Variants in SLC9A3 observed in about 807,000 individuals in gnomAD.
SLC9A3 encodes the protein sodium/hydrogen exchanger 3.
Under a neutral mutation model 86.8 loss-of-function variants are expected in SLC9A3, and 37 were observed. The ratio of observed to expected loss-of-function variants is 0.43; its 90% CI spans 0.33 to 0.56. SLC9A3 has a LOEUF of 0.56. Ranked by LOEUF, SLC9A3 falls within the 20% of genes least tolerant of loss-of-function variation. SLC9A3 has a pLI of 0.06. For synonymous variants in SLC9A3, 581 were observed against 528.3 expected, an observed-to-expected ratio of 1.10 and a Z score of -1.37; for missense variants, 1,011 against 1,171.9, an observed-to-expected ratio of 0.86 and a Z score of 2.00.
At chr5:473,925 G>A (rs1469818036) in intron 16 of SLC9A3, among the ~76,000 whole-genome samples, 2 of 152,226 alleles carry the variant, frequency 1.3e-5, no homozygotes, top group African/African-American at 2.4e-5. Context: ...GGGAGCGCAG[G>A]ATTTGGACTC....
At chr5:475,720 C>T (rs915393449) in intron 14 of SLC9A3, 49 bp from the exon 15 acceptor site, 22 of 1,034,426 alleles carry the variant, frequency 2.1e-5, no homozygotes, top group African/African-American at 3.2e-5. Flanking sequence ...GGGGGCTGTC[C>T]TCACAGCCCA....
At chr5:478,935 CCA>C (rs3836908) in intron 10 of SLC9A3, 41,097 of 154,420 alleles carry the variant, frequency 0.27, 6,623 homozygotes, top group Non-Finnish European at 0.35. Flanking sequence ...TGGCATGGCC[CCA>C]GTCACGGGTG....
Position 470,959 on chromosome 5 carries a change from G to C in SLC9A3, c.*2420C>G, listed in dbSNP as rs531405008. ...TCTGTTTGACAGCAGTGACAGGAACGTGGGGATCCCCACTCATGACGAGTC... is the reference window on the plus strand; with the variant it reads ...TCTGTTTGACAGCAGTGACAGGAACCTGGGGATCCCCACTCATGACGAGTC... On this transcript the variant is annotated 3_prime_UTR_variant, in exon 17 of 17. Transcript: ENST00000264938. The C allele has an allele frequency of 6.6e-6, 1 of 152,294 alleles. No individual in the cohort carries two copies. Among genetic ancestry groups the C allele is most frequent in the Non-Finnish European group, 1.5e-5 (1 of 68,036 alleles). 9.4% of individuals were successfully genotyped at this position (152,294 alleles called of 1,614,324 possible).
rs553469929 is a variant in SLC9A3, at chr5:491,196, G to A, written c.514+573C>T. Among the ~76,000 whole-genome samples, 6 of 152,314 alleles carry A rather than the reference G, an allele frequency of 3.9e-5. No individual in the cohort carries two copies. In the South Asian group the frequency reaches 1.2e-3, roughly 32 times the overall value. ...TCCCTGGACCCACCTGGTCAAAGCT[G>A]TAGCATCCCCGGCAGCAGCGGCGGG... On this transcript the variant is annotated intron_variant, in intron 2 of 16. Coordinates refer to ENST00000264938, the MANE Select transcript of SLC9A3 (RefSeq NM_004174.4). The surrounding 1 kb of genome is among the most constrained non-coding windows in gnomAD (Gnocchi z 9.2).
intron 10 of SLC9A3, chr5:477,673 A>G: frequency 2.0e-6 from 1 of 510,720 alleles, no homozygotes; most frequent in Non-Finnish European, 3.5e-6. Flanking sequence ...TGCTGCCTGA[A>G]CTGGGCAGAG....
intron 1 of SLC9A3, among the ~76,000 whole-genome samples, chr5:501,272 C>T (rs1423540821): frequency 6.6e-6 from 1 of 152,178 alleles, no homozygotes; most frequent in Admixed American, 6.5e-5. Flanking sequence ...AGGGACGGGG[C>T]TTGGTCAGGC....
intron 10 of SLC9A3, chr5:479,186 C>G (rs1291992534): frequency 6.6e-6 from 1 of 152,642 alleles, no homozygotes; most frequent in Non-Finnish European, 1.5e-5. Context: ...CCCCCAGGCC[C>G]TGCCTTGCAC....
At chr5:517,806 ATCC>A (rs1425181624) in intron 1 of SLC9A3, among the ~76,000 whole-genome samples, 2 of 111,314 alleles carry the variant, frequency 1.8e-5, no homozygotes, top group African/African-American at 6.2e-5. Flanking sequence ...CCATCCATCC[ATCC>A]AAACCATCCA....
intron 14 of SLC9A3, 38 bp downstream of exon 14, chr5:475,982 C>T (rs1738700891): frequency 1.9e-6 from 3 of 1,546,368 alleles, no homozygotes; most frequent in South Asian, 2.4e-5. Context: ...GAGGTGGTGG[C>T]TCCCAGTCCC....
At position 482,740 on chromosome 5, in the gene SLC9A3, C is replaced by T. The variant is rs745465988; in HGVS notation, c.1164G>A (p.Leu388=). Residue 388 remains leucine, a synonymous_variant, in exon 7 of 17, where the codon CTG becomes CTA. Coordinates refer to ENST00000264938, the MANE Select transcript of SLC9A3 (RefSeq NM_004174.4). ...GGTAGCGGTTCAGAAGCCAGGTCTG[C>T]AGGACCACACCTGCGGATGATGGGG... ...ISVYRAIGVV[L]QTWLLNRYRM... is the part of the protein sequence containing the mutation. The T allele has an allele frequency of 5.6e-6, 9 of 1,603,422 alleles. No individual in the cohort carries two copies. The Admixed American group carries it at 1.2e-4, about 21-fold the overall frequency.
intron 3 of SLC9A3, among the ~76,000 whole-genome samples, chr5:485,581 C>T (rs563007754): frequency 6.6e-6 from 1 of 152,402 alleles, no homozygotes; most frequent in East Asian, 1.9e-4. Flanking sequence ...GACTTCCCTG[C>T]TGTGCTGGCT....
At chr5:512,551 A>G (rs1011315947) in intron 1 of SLC9A3, among the ~76,000 whole-genome samples, 7 of 152,192 alleles carry the variant, frequency 4.6e-5, no homozygotes, top group Non-Finnish European at 7.4e-5. Context: ...TGACAAATGT[A>G]TCACACCAAT....
Position 507,183 on chromosome 5 carries a change from T to TTTTTTTTTTTTTTTTTTTTG in SLC9A3, c.212-15113_212-15112insCAAAAAAAAAAAAAAAAAAA, listed in dbSNP as rs1320617129. On this transcript the variant is annotated intron_variant, in intron 1 of 16. Coordinates refer to ENST00000264938, the MANE Select transcript of SLC9A3 (RefSeq NM_004174.4). ...TGCTGCTTCTTTTTTTTTTTTTTTT[T>TTTTTTTTTTTTTTTTTTTTG]TTTGAGACGGAGTCTGGCTCTGTTG... Among the ~76,000 whole-genome samples, 4 of 88,978 alleles carry TTTTTTTTTTTTTTTTTTTTG rather than the reference T, an allele frequency of 4.5e-5. 1 individual carries two copies. Among genetic ancestry groups the TTTTTTTTTTTTTTTTTTTTG allele is most frequent in the African/African-American group, 2.2e-4 (4 of 18,448 alleles). The allele number at this position is 88,978 out of a possible 152,430, so 58.4% of individuals were successfully genotyped here. A position where few individuals can be genotyped will look rare whatever the true frequency, so the allele number is the denominator to read the frequency against.
At chr5:501,429 T>C (rs13177896) in intron 1 of SLC9A3, among the ~76,000 whole-genome samples, 63,337 of 152,126 alleles carry the variant, frequency 0.42, 13,979 homozygotes, top group African/African-American at 0.54. Context: ...AGAAACAGCC[T>C]GGCTGAGCGG....
At chr5:484,487 G>A (rs774885067) in intron 5 of SLC9A3, 33 bp downstream of exon 5, 15 of 1,606,168 alleles carry the variant, frequency 9.3e-6, no homozygotes, top group East Asian at 6.7e-5. Flanking sequence ...GGAGGAGGGC[G>A]TGGAGAAGCT....
chr5:475,459 A>AC (rs1263271920), intron 15 of SLC9A3, 102 bp downstream of exon 15: 85 of 708,294 alleles, frequency 1.2e-4, no homozygotes, highest in East Asian at 1.4e-4. Flanking sequence ...AGGAGACCCC[A>AC]CCCCCCCAGG....
At chr5:488,799 T>C (rs1283563737) in intron 2 of SLC9A3, among the ~76,000 whole-genome samples, 3 of 152,104 alleles carry the variant, frequency 2.0e-5, no homozygotes, top group Admixed American at 1.3e-4. Flanking sequence ...TGGGGGCCCA[T>C]CGCCTGGAGT....
In SLC9A3 at chr5:472,688, A is replaced by G. The variant is rs1357990939; in HGVS notation, c.*691T>C. The stretch of plus-strand genomic sequence containing the variant: ...GTTCCTGCCACTTTACCTGCAGTTC[A>G]AAGACCTGGCGAGGGCCTGGAAACG... On this transcript the variant is annotated 3_prime_UTR_variant, in exon 17 of 17. Coordinates refer to ENST00000264938, the MANE Select transcript of SLC9A3 (RefSeq NM_004174.4). 1 of 522,542 alleles carries G rather than the reference A, an allele frequency of 1.9e-6. No homozygotes were observed. Among genetic ancestry groups the G allele is most frequent in the Non-Finnish European group, 3.7e-6 (1 of 269,806 alleles). 32.4% of individuals were successfully genotyped at this position (522,542 alleles called of 1,614,324 possible).
At chr5:505,282 C>T (rs4520963) in intron 1 of SLC9A3, among the ~76,000 whole-genome samples, 451 of 8,576 alleles carry the variant, frequency 0.053, 68 homozygotes, top group Middle Eastern at 0.21. Flanking sequence ...GGAGTGACCA[C>T]GGGGTGAAGA....
Sources: allele counts gnomAD v4.1 joint callset (sites outside exome capture counted in the v4.1 genomes callset), GRCh38; gene constraint gnomAD v4.1.1; non-coding constraint Gnocchi (gnomAD v3.1); transcripts MANE v1.5; gene names NCBI Gene and HGNC (gene_info 2026-07-23, HGNC 2026-07-21).